Variants in FAM13A observed in about 807,000 individuals in gnomAD.
The protein encoded by FAM13A is protein FAM13A.
Under a neutral mutation model 129.6 loss-of-function variants are expected in FAM13A, and 76 were observed. The ratio of observed to expected loss-of-function variants is 0.59; its 90% confidence interval spans 0.49 to 0.71. FAM13A has a LOEUF of 0.71. FAM13A is among the 30% of genes least tolerant of loss of function. The pLI is 0.00. For missense variants in FAM13A, 1,108 were observed against 1,249.3 expected, an observed-to-expected ratio of 0.89 and a Z score of 1.70; for synonymous variants, 443 against 449.9, an observed-to-expected ratio of 0.98 and a Z score of 0.20.
intron 6 of FAM13A, among the ~76,000 whole-genome samples, chr4:88,862,575 G>A (rs1481724523): frequency 6.6e-6 from 1 of 152,132 alleles, no homozygotes; most frequent in Non-Finnish European, 1.5e-5. Context: ...TCAGTTTTTG[G>A]ACTGAAATTC....
intron 6 of FAM13A, among the ~76,000 whole-genome samples, chr4:88,891,167 A>C (rs1291163444): frequency 6.6e-6 from 1 of 152,228 alleles, no homozygotes; most frequent in Non-Finnish European, 1.5e-5. Context: ...TCATGCCTGT[A>C]ATCTCAGCAC....
Position 88,820,122 on chromosome 4 carries a change from C to T in FAM13A, c.1008-15070G>A, listed in dbSNP as rs561335031. On this transcript the variant is annotated intron_variant, in intron 7 of 23. Coordinates refer to ENST00000264344, the MANE Select transcript of FAM13A (RefSeq NM_014883.4). Reference sequence around the variant, plus strand: ...CTACAGATTAGCAGTAACAACGTATCTTCTATACACTCTCACAATACGCTA... The same window carrying T: ...CTACAGATTAGCAGTAACAACGTATTTTCTATACACTCTCACAATACGCTA... 3.9e-5 allele frequency among the ~76,000 whole-genome samples: 6 copies of T among 152,298 alleles called. No homozygotes were observed. The South Asian group carries it at 8.3e-4, about 21-fold the overall frequency.
At chr4:88,994,661 G>A (rs538709140) in intron 3 of FAM13A, among the ~76,000 whole-genome samples, 22 of 152,160 alleles carry the variant, frequency 1.4e-4, no homozygotes, top group Admixed American at 5.2e-4. Flanking sequence ...GCAACATAGC[G>A]AAACCTCGTC....
At chr4:88,994,534 C>A (rs764541792) in intron 3 of FAM13A, among the ~76,000 whole-genome samples, 6 of 152,088 alleles carry the variant, frequency 3.9e-5, no homozygotes, top group African/African-American at 1.4e-4. Flanking sequence ...CTGACGCTTG[C>A]GAGAAAGAAG....
intron 4 of FAM13A, among the ~76,000 whole-genome samples, chr4:88,973,653 GCTCTGCCA>G (rs1760469599): frequency 6.6e-6 from 1 of 152,064 alleles, no homozygotes; most frequent in African/African-American, 2.4e-5. Flanking sequence ...TTTGATGCTT[GCTCTGCCA>G]CTTTAACCTA....
chr4:88,893,805 T>C (rs1293811630), intron 6 of FAM13A, among the ~76,000 whole-genome samples: 1 of 140,416 alleles, frequency 7.1e-6, no homozygotes, highest in Non-Finnish European at 1.5e-5. Context: ...CCAGCCAGGC[T>C]GATGGAGCGA....
At chr4:89,018,975 CAAA>C (rs1284731353) in intron 3 of FAM13A, among the ~76,000 whole-genome samples, 1 of 152,140 alleles carries the variant, frequency 6.6e-6, no homozygotes, top group African/African-American at 2.4e-5. Context: ...AGTAATCTTC[CAAA>C]AGGATTGCCT....
intron 6 of FAM13A, among the ~76,000 whole-genome samples, chr4:88,891,403 CAG>C (rs1212749331): frequency 6.6e-6 from 1 of 151,922 alleles, no homozygotes. Context: ...CTGGGTGAGA[CAG>C]AGAGAACCTG....
In FAM13A at chr4:88,782,747, A is replaced by G. The variant is rs957081458; in HGVS notation, c.1272-1396T>C. 2.6e-5 allele frequency among the ~76,000 whole-genome samples: 4 copies of G among 152,196 alleles called. No individual in the cohort carries two copies. In the South Asian group the frequency reaches 8.3e-4, roughly 31 times the overall value. ...CACATTTATAAGAGATATTCTAAGTACAAAGTAATTGAAGACAGGAGGAGA... is the reference window on the plus strand; with the variant it reads ...CACATTTATAAGAGATATTCTAAGTGCAAAGTAATTGAAGACAGGAGGAGA... On this transcript the variant is annotated intron_variant, in intron 10 of 23. Transcript: ENST00000264344.
intron 6 of FAM13A, among the ~76,000 whole-genome samples, chr4:88,893,040 T>C (rs770531343): frequency 6.6e-6 from 1 of 152,228 alleles, no homozygotes; most frequent in Non-Finnish European, 1.5e-5. Context: ...GATAATCCAA[T>C]AGTAAAACTA....
chr4:88,817,289 A>G (rs1426912520), intron 7 of FAM13A, among the ~76,000 whole-genome samples: 1 of 152,206 alleles, frequency 6.6e-6, no homozygotes, highest in African/African-American at 2.4e-5. Flanking sequence ...ATAGCCAAGC[A>G]TGGTGGCTCA....
intron 6 of FAM13A, among the ~76,000 whole-genome samples, chr4:88,905,908 C>T (rs1748066312): frequency 6.6e-6 from 1 of 152,188 alleles, no homozygotes; most frequent in Non-Finnish European, 1.5e-5. Context: ...CTCCCTCATG[C>T]CTACTTCCCT....
At chr4:88,899,013 A>C (rs1746803744) in intron 6 of FAM13A, among the ~76,000 whole-genome samples, 1 of 151,996 alleles carries the variant, frequency 6.6e-6, no homozygotes, top group Non-Finnish European at 1.5e-5. Context: ...AAAATATGGA[A>C]CCAGCCCAAA....
At chr4:88,981,723 G>T (rs978153588) in intron 4 of FAM13A, among the ~76,000 whole-genome samples, 1 of 152,180 alleles carries the variant, frequency 6.6e-6, no homozygotes, top group Non-Finnish European at 1.5e-5. Context: ...CTTTCACAAA[G>T]AACTACAAAG....
chr4:88,839,827 C>T (rs1032074515), intron 7 of FAM13A, among the ~76,000 whole-genome samples: 4 of 152,168 alleles, frequency 2.6e-5, no homozygotes, highest in African/African-American at 9.7e-5. Context: ...CCAACGTTGT[C>T]CTGGGGGGTG....
At chr4:88,977,719 A>T (rs1761093846) in intron 4 of FAM13A, among the ~76,000 whole-genome samples, 1 of 152,220 alleles carries the variant, frequency 6.6e-6, no homozygotes. Context: ...CAAGGTCAAA[A>T]AGTATCCTTT....
At chr4:88,920,122 G>T (rs1262781889) in intron 5 of FAM13A, among the ~76,000 whole-genome samples, 2 of 152,316 alleles carry the variant, frequency 1.3e-5, no homozygotes, top group African/African-American at 2.4e-5. Flanking sequence ...TGGGGGCAGG[G>T]CACAGACAAA....
At chr4:88,806,690 G>T (rs1728630739) in intron 7 of FAM13A, among the ~76,000 whole-genome samples, 3 of 152,086 alleles carry the variant, frequency 2.0e-5, no homozygotes, top group Non-Finnish European at 2.9e-5. Flanking sequence ...CCAGGTGAGG[G>T]GTAAGTGATG....
chr4:88,771,698 T>C (rs1026644938), intron 11 of FAM13A, among the ~76,000 whole-genome samples: 1 of 152,188 alleles, frequency 6.6e-6, no homozygotes, highest in Admixed American at 6.5e-5. Flanking sequence ...TGACTTTAGG[T>C]CTAATTTAAT....
Sources: allele counts gnomAD v4.1 joint callset (sites outside exome capture counted in the v4.1 genomes callset), GRCh38; gene constraint gnomAD v4.1.1; transcripts MANE v1.5; gene names NCBI Gene and HGNC (gene_info 2026-07-23, HGNC 2026-07-21).